Variants in VPS13A observed in about 807,000 individuals in gnomAD.
The protein encoded by VPS13A is vacuolar protein sorting 13 homolog A.
Under a neutral mutation model 390.9 loss-of-function variants are expected in VPS13A, and 264 were observed. The ratio of observed to expected loss-of-function variants is 0.68; its 90% CI spans 0.61 to 0.75. VPS13A has a LOEUF of 0.75. Ranked by LOEUF, VPS13A falls within the 30% of genes least tolerant of loss-of-function variation. VPS13A has a pLI of 0.00. For missense variants in VPS13A, 3,409 were observed against 3,733.9 expected (o/e 0.91, Z 2.27); for synonymous variants, 1,231 against 1,227.1 (o/e 1.00, Z -0.07).
At chr9:77,353,708 T>A in intron 54 of VPS13A, 67 bp downstream of exon 54, 1 of 1,405,118 alleles carries the variant, frequency 7.1e-7, no homozygotes, top group Non-Finnish European at 9.9e-7. Flanking sequence ...ATTGTTATTG[T>A]AAAATCTCAA....
intron 57 of VPS13A, 102 bp from the exon 58 acceptor site, chr9:77,359,227 ATTAT>A (rs1831992579): frequency 2.2e-6 from 2 of 920,524 alleles, no homozygotes; most frequent in Non-Finnish European, 3.4e-6. Context: ...ACTGATATTT[ATTAT>A]TTAGTAAATG....
chr9:77,386,111 A>G (rs1833671562), intron 68 of VPS13A, among the ~76,000 whole-genome samples: 1 of 152,192 alleles, frequency 6.6e-6, no homozygotes, highest in African/African-American at 2.4e-5. Flanking sequence ...CAGTATTTTT[A>G]TCTTTTTAGA....
chr9:77,262,724 G>A (rs542583354), intron 23 of VPS13A, among the ~76,000 whole-genome samples: 1 of 152,162 alleles, frequency 6.6e-6, no homozygotes, highest in South Asian at 2.1e-4. Flanking sequence ...GAGAATGATG[G>A]TTTCCAGCTT....
At chr9:77,327,239 G>A (rs980443078) in intron 45 of VPS13A, among the ~76,000 whole-genome samples, 5 of 152,198 alleles carry the variant, frequency 3.3e-5, no homozygotes, top group African/African-American at 1.2e-4. Context: ...TCTGGTCCCC[G>A]TTATTCTAGC....
chr9:77,203,900 A>G (rs1225820163), intron 3 of VPS13A, among the ~76,000 whole-genome samples: 2 of 152,118 alleles, frequency 1.3e-5, no homozygotes, highest in African/African-American at 4.8e-5. Flanking sequence ...GAAATCAGAT[A>G]GTTTAGAGGC....
At chr9:77,261,475 G>GTA (rs1432583293) in intron 23 of VPS13A, among the ~76,000 whole-genome samples, 6 of 149,860 alleles carry the variant, frequency 4.0e-5, no homozygotes, top group African/African-American at 9.9e-5. Flanking sequence ...ATATATGTGT[G>GTA]TATATATATA....
intron 21 of VPS13A, among the ~76,000 whole-genome samples, chr9:77,251,011 T>C (rs1346028971): frequency 6.6e-6 from 1 of 152,244 alleles, no homozygotes; most frequent in Non-Finnish European, 1.5e-5. Flanking sequence ...CAGATTTTAA[T>C]TACCTGAGCT....
chr9:77,389,005 GTTATTTTCTACATTAAATAGA>G (rs1169875557), intron 68 of VPS13A, among the ~76,000 whole-genome samples: 3 of 152,088 alleles, frequency 2.0e-5, no homozygotes, highest in Non-Finnish European at 4.4e-5. Flanking sequence ...TTCAACATTA[GTTATTTTCTACATTAAATAGA>G]TTATTTTCTA....
At chr9:77,331,543 T>C (rs1360535026) in intron 45 of VPS13A, among the ~76,000 whole-genome samples, 1 of 152,128 alleles carries the variant, frequency 6.6e-6, no homozygotes, top group Non-Finnish European at 1.5e-5. Context: ...CCTGTTTTCC[T>C]CTTGATTGCA....
intron 65 of VPS13A, 110 bp downstream of exon 65, chr9:77,370,688 A>G (rs752788278): frequency 1.4e-5 from 21 of 1,516,322 alleles, no homozygotes; most frequent in Non-Finnish European, 1.8e-5. Flanking sequence ...TATTATTTGG[A>G]TATTTTAAGA....
At chr9:77,330,412 G>C (rs1830223389) in intron 45 of VPS13A, among the ~76,000 whole-genome samples, 1 of 151,982 alleles carries the variant, frequency 6.6e-6, no homozygotes, top group Admixed American at 6.6e-5. Flanking sequence ...ATCTTTCCTT[G>C]AAATTTCAAC....
intron 71 of VPS13A, among the ~76,000 whole-genome samples, chr9:77,413,446 G>C (rs908388159): frequency 2.0e-5 from 3 of 152,152 alleles, no homozygotes; most frequent in East Asian, 3.9e-4. Flanking sequence ...GCATATCTAC[G>C]ACCATCTGAT....
intron 19 of VPS13A, among the ~76,000 whole-genome samples, chr9:77,239,305 T>C (rs1484045090): frequency 2.0e-5 from 3 of 151,750 alleles, no homozygotes; most frequent in Non-Finnish European, 4.4e-5. Context: ...GGCAAAATCA[T>C]AATAGAGACG....
At chr9:77,376,824 G>A in intron 67 of VPS13A, among the ~76,000 whole-genome samples, 1 of 152,130 alleles carries the variant, frequency 6.6e-6, no homozygotes, top group Admixed American at 6.5e-5. Flanking sequence ...ATCACCAAGG[G>A]AATGAGACTG....
intron 68 of VPS13A, among the ~76,000 whole-genome samples, chr9:77,387,667 T>G (rs1377770060): frequency 2.6e-5 from 4 of 152,156 alleles, no homozygotes; most frequent in Non-Finnish European, 5.9e-5. Context: ...CAAATGTAAA[T>G]TCAGAATAAT....
chr9:77,375,812 G>T (rs1833036245), intron 67 of VPS13A, among the ~76,000 whole-genome samples: 1 of 152,180 alleles, frequency 6.6e-6, no homozygotes, highest in Non-Finnish European at 1.5e-5. Flanking sequence ...CATTGTCTAT[G>T]ATCTAGACAC....
In VPS13A at chr9:77,323,167, T is replaced by C; in HGVS notation, c.5931T>C (p.Ile1977=). 1.2e-6 allele frequency: 2 copies of C among 1,613,576 alleles called. No homozygotes were observed. The highest frequency in any genetic ancestry group is 1.7e-6 in the Non-Finnish European group (2 of 1,179,636). The change falls in exon 45 of 72, where the codon ATT becomes ATC. Residue 1977 remains isoleucine (I), a synonymous_variant. Coordinates refer to ENST00000360280, the MANE Select transcript of VPS13A (RefSeq NM_033305.3). ...RHRESGVERS[I]VCQIDTVEGS... ...GAGAGTCTGGCGTTGAAAGATCTAT[T>C]GTTTGTCAAATTGATACAGTAGAAG...
intron 9 of VPS13A, among the ~76,000 whole-genome samples, chr9:77,213,981 T>C (rs914467748): frequency 6.6e-6 from 1 of 152,224 alleles, no homozygotes. Context: ...TAAAGACATA[T>C]TGGCATGAAT....
intron 23 of VPS13A, 144 bp from the exon 24 acceptor site, chr9:77,273,136 A>G (rs1388967479): frequency 7.8e-6 from 5 of 642,860 alleles, no homozygotes; most frequent in Non-Finnish European, 5.3e-6. Context: ...GTATTTTTCT[A>G]ATTTAAACCT....
Sources: gnomAD v4.1 joint callset for allele counts (sites outside exome capture counted in the v4.1 genomes callset) on GRCh38, gnomAD v4.1.1 for gene constraint, MANE v1.5 for transcripts, NCBI Gene and HGNC (gene_info 2026-07-23, HGNC 2026-07-21) for gene names.